The following COL5A2 variants were observed in gnomAD, a reference collection of about 807,000 sequenced individuals.
COL5A2 encodes the protein collagen type V alpha 2 chain.
In COL5A2, 23 loss-of-function variants were observed where a neutral mutation model predicts 208.2. That is an observed-to-expected ratio of 0.11 (90% CI 0.08 to 0.16). COL5A2 has a LOEUF of 0.16. COL5A2 is among the 10% of genes least tolerant of loss of function. The pLI is 1.00. For missense variants in COL5A2, 1,590 were observed against 1,956.4 expected, an observed-to-expected ratio of 0.81 and a Z score of 3.53; for synonymous variants, 625 against 628.5, an observed-to-expected ratio of 0.99 and a Z score of 0.08.
At chr2:189,046,688 G>A in intron 45 of COL5A2, among the ~76,000 whole-genome samples, 1 of 151,908 alleles carries the variant, frequency 6.6e-6, no homozygotes, top group East Asian at 1.9e-4. Context: ...GAGTCAGACT[G>A]TATTTTCTGA....
rs1197269456 is a variant in COL5A2 at position 189,033,402 on chromosome 2, G to C, written c.*668C>G. The C allele has an allele frequency of 1.3e-5, 2 of 152,092 alleles. No individual in the cohort carries two copies. Among genetic ancestry groups the C allele is most frequent in the Admixed American group, 6.6e-5 (1 of 15,204 alleles). The allele number at this position is 152,092 out of a possible 1,614,324, so 9.4% of individuals were successfully genotyped here. On this transcript the variant is annotated 3_prime_UTR_variant, in exon 54 of 54. Coordinates refer to ENST00000374866, the MANE Select transcript of COL5A2 (RefSeq NM_000393.5). ...GTCTTTTACAAAAATTTAAGAAGTCGAAGTAAATTCACTTTGTTCTCCAAA... is the reference window on the plus strand; with the variant it reads ...GTCTTTTACAAAAATTTAAGAAGTCCAAGTAAATTCACTTTGTTCTCCAAA...
intron 1 of COL5A2, among the ~76,000 whole-genome samples, chr2:189,117,718 C>G (rs1416004813): frequency 8.3e-6 from 1 of 120,014 alleles, no homozygotes; most frequent in Non-Finnish European, 1.8e-5. Flanking sequence ...ACTCTCAATT[C>G]ACTAATTCTT....
the COL5A2 span, among the ~76,000 whole-genome samples, chr2:189,315,292 A>G: frequency 6.6e-6 from 1 of 152,234 alleles, no homozygotes; most frequent in African/African-American, 2.4e-5. Flanking sequence ...ACACAAGTCA[A>G]TACATGTGAT....
At chr2:189,297,932 A>G in the COL5A2 span, among the ~76,000 whole-genome samples, 110 of 152,270 alleles carry the variant, frequency 7.2e-4, 4 homozygotes, top group South Asian at 0.022. Context: ...TCATTCCTTA[A>G]TGTTATATTT....
At chr2:189,154,563 T>G (rs1394143780) in intron 1 of COL5A2, among the ~76,000 whole-genome samples, 1 of 152,180 alleles carries the variant, frequency 6.6e-6, no homozygotes, top group Non-Finnish European at 1.5e-5. Context: ...CTCCCTAGCA[T>G]GATGAGAAAT....
the COL5A2 span, among the ~76,000 whole-genome samples, chr2:189,356,679 A>G: frequency 6.6e-6 from 1 of 152,182 alleles, no homozygotes; most frequent in Non-Finnish European, 1.5e-5. Flanking sequence ...GGGTTAGAAC[A>G]TGCTCCTTTA....
chr2:189,377,391 G>C, the COL5A2 span, among the ~76,000 whole-genome samples: 414 of 152,272 alleles, frequency 2.7e-3, no homozygotes, highest in African/African-American at 9.4e-3. Flanking sequence ...ACCGGGTAAT[G>C]ATAATCACTG....
rs772728428 is a variant in COL5A2, at chr2:189,078,501, A to G, written c.1059+15T>C. 39 of 1,592,432 alleles carry G rather than the reference A, an allele frequency of 2.4e-5. No individual in the cohort carries two copies. Among genetic ancestry groups the G allele is most frequent in the Middle Eastern group, 1.7e-4 (1 of 6,034 alleles). On this transcript the variant is annotated intron_variant, in intron 16 of 53. Transcript: ENST00000374866. ...TACACATCTCAGCAGTATAAGTAAA[A>G]GCAGATATACTTACAGGAGCACCCT...
the COL5A2 span, among the ~76,000 whole-genome samples, chr2:189,435,299 T>C: frequency 1.3e-5 from 2 of 152,102 alleles, no homozygotes; most frequent in Non-Finnish European, 2.9e-5. Flanking sequence ...CCAAAAGCAA[T>C]GGCAACAAAA....
At chr2:189,155,284 G>C (rs942857180) in intron 1 of COL5A2, among the ~76,000 whole-genome samples, 1 of 152,128 alleles carries the variant, frequency 6.6e-6, no homozygotes, top group South Asian at 2.1e-4. Flanking sequence ...CATTGCACTA[G>C]GCCTTTGGGA....
intron 17 of COL5A2, among the ~76,000 whole-genome samples, chr2:189,073,030 GT>G (rs1326664581): frequency 6.6e-6 from 1 of 151,990 alleles, no homozygotes; most frequent in Non-Finnish European, 1.5e-5. Flanking sequence ...TTCATCCTAT[GT>G]TTTGTTTCCT....
At chr2:189,256,900 T>A in the COL5A2 span, among the ~76,000 whole-genome samples, 1 of 152,194 alleles carries the variant, frequency 6.6e-6, no homozygotes. Context: ...AGTGTTGGGA[T>A]TACAGGCGTA....
chr2:189,271,406 GA>G, the COL5A2 span, among the ~76,000 whole-genome samples: 2 of 152,138 alleles, frequency 1.3e-5, no homozygotes, highest in East Asian at 3.8e-4. Flanking sequence ...AAGCAATGGG[GA>G]AAGGATTCCC....
In COL5A2 at chr2:189,062,828, A is replaced by G. The variant is rs200608914; in HGVS notation, c.1977+37T>C. 71 of 1,612,338 alleles carry G rather than the reference A, an allele frequency of 4.4e-5. No individual in the cohort carries two copies. The African/African-American group carries it at 8.8e-4, about 20-fold the overall frequency. Reference sequence around the variant, plus strand: ...TCGAAAAAATGCAATGTGTGTATATATATATTCTCACACACACACACACAA... The same window carrying G: ...TCGAAAAAATGCAATGTGTGTATATGTATATTCTCACACACACACACACAA... On this transcript the variant is annotated intron_variant, in intron 29 of 53. Coordinates refer to ENST00000374866, the MANE Select transcript of COL5A2 (RefSeq NM_000393.5).
At chr2:189,321,992 G>C in the COL5A2 span, among the ~76,000 whole-genome samples, 1 of 152,206 alleles carries the variant, frequency 6.6e-6, no homozygotes, top group African/African-American at 2.4e-5. Context: ...AGACCACAGT[G>C]CAATCAAACT....
the COL5A2 span, among the ~76,000 whole-genome samples, chr2:189,290,155 G>C: frequency 2.6e-5 from 4 of 152,154 alleles, no homozygotes; most frequent in Non-Finnish European, 4.4e-5. Context: ...GAACAGAATA[G>C]AGATTCCAGA....
intron 1 of COL5A2, among the ~76,000 whole-genome samples, chr2:189,116,419 C>G (rs898032264): frequency 1.3e-5 from 2 of 152,136 alleles, no homozygotes; most frequent in Non-Finnish European, 2.9e-5. Flanking sequence ...CTTCTTTAGA[C>G]CATGCAGAGG....
upstream of COL5A2, among the ~76,000 whole-genome samples, chr2:189,225,987 T>G (rs1460372732): frequency 6.6e-6 from 1 of 152,218 alleles, no homozygotes; most frequent in Non-Finnish European, 1.5e-5. Flanking sequence ...GAAAGTTACA[T>G]ATTATTATTT....
At chr2:189,333,778 A>G in the COL5A2 span, among the ~76,000 whole-genome samples, 1 of 152,100 alleles carries the variant, frequency 6.6e-6, no homozygotes, top group African/African-American at 2.4e-5. Flanking sequence ...CTCAAAAGAA[A>G]CTAATCATGC....
Sources: allele counts gnomAD v4.1 joint callset (sites outside exome capture counted in the v4.1 genomes callset), GRCh38; gene constraint gnomAD v4.1.1; transcripts MANE v1.5; gene names NCBI Gene and HGNC (gene_info 2026-07-23, HGNC 2026-07-21).